Variants in SPATA16 observed in about 807,000 individuals in gnomAD.
SPATA16 encodes the protein spermatogenesis associated 16, also known as spermatogenesis-associated protein 16.
SPATA16 carries 36 observed loss-of-function variants against 63.3 expected under a neutral mutation model. The observed-to-expected ratio is 0.57, with a 90% CI of 0.44 to 0.75. The LOEUF is 0.75. SPATA16 is among the 30% of genes least tolerant of loss of function. SPATA16 has a pLI of 0.00. For synonymous variants in SPATA16, 203 were observed against 216.7 expected (o/e 0.94, Z 0.56); for missense variants, 646 against 679.3 (o/e 0.95, Z 0.54).
At chr3:172,978,812 T>A (rs1734227630) in intron 4 of SPATA16, among the ~76,000 whole-genome samples, 1 of 152,216 alleles carries the variant, frequency 6.6e-6, no homozygotes, top group Non-Finnish European at 1.5e-5. Flanking sequence ...AGACAATACA[T>A]AAACCAATTA....
chr3:172,982,001 C>T (rs1734331424), intron 4 of SPATA16, among the ~76,000 whole-genome samples: 3 of 152,180 alleles, frequency 2.0e-5, no homozygotes, highest in African/African-American at 7.2e-5. Context: ...AATATAAGGT[C>T]CCCAAGGGCA....
chr3:173,086,433 C>T (rs1737055092), intron 2 of SPATA16, among the ~76,000 whole-genome samples: 1 of 152,056 alleles, frequency 6.6e-6, no homozygotes, highest in Non-Finnish European at 1.5e-5. Context: ...CTCATTTCTT[C>T]TTAATTAATG....
At chr3:173,029,424 T>TTC (rs3085797) in intron 3 of SPATA16, among the ~76,000 whole-genome samples, 1 of 151,410 alleles carries the variant, frequency 6.6e-6, no homozygotes, top group Non-Finnish European at 1.5e-5. Context: ...TTTGTTTGTT[T>TTC]GTTTTGTTGT....
At chr3:173,028,018 C>T (rs1735500742) in intron 3 of SPATA16, among the ~76,000 whole-genome samples, 2 of 63,204 alleles carry the variant, frequency 3.2e-5, no homozygotes, top group Non-Finnish European at 5.5e-5. Flanking sequence ...TCCCTCCCTT[C>T]CTTCTTTCCT....
chr3:173,101,148 G>A (rs995117685), intron 2 of SPATA16, among the ~76,000 whole-genome samples: 5 of 152,060 alleles, frequency 3.3e-5, no homozygotes, highest in African/African-American at 4.8e-5. Flanking sequence ...CTTTGAAGAA[G>A]ACTTCCAGTG....
chr3:172,938,708 T>C (rs770364858), intron 6 of SPATA16, among the ~76,000 whole-genome samples: 3 of 152,042 alleles, frequency 2.0e-5, no homozygotes, highest in Non-Finnish European at 4.4e-5. Context: ...AGCAAAAATA[T>C]AGTAATAGCT....
chr3:173,126,940 A>G (rs530509207), intron 1 of SPATA16, among the ~76,000 whole-genome samples: 2 of 152,342 alleles, frequency 1.3e-5, no homozygotes, highest in African/African-American at 4.8e-5. Context: ...ATGGACAGTA[A>G]TATGAAGATT....
intron 4 of SPATA16, among the ~76,000 whole-genome samples, chr3:173,001,952 G>GATTCTTCC (rs1393069189): frequency 6.6e-6 from 1 of 152,080 alleles, no homozygotes; most frequent in Non-Finnish European, 1.5e-5. Flanking sequence ...TACTCATATT[G>GATTCTTCC]ATTCTTCCAT....
chr3:173,094,677 GTTT>G (rs57224552), intron 2 of SPATA16, among the ~76,000 whole-genome samples: 4 of 115,718 alleles, frequency 3.5e-5, no homozygotes, highest in Non-Finnish European at 3.6e-5. Context: ...TATGGGAGTT[GTTT>G]TTTTTTTTTT....
intron 2 of SPATA16, among the ~76,000 whole-genome samples, chr3:173,084,970 CT>C (rs1215640322): frequency 6.6e-6 from 1 of 152,088 alleles, no homozygotes; most frequent in Non-Finnish European, 1.5e-5. Flanking sequence ...CAACTTTGTT[CT>C]TTTTGCTTGG....
At chr3:173,020,170 G>A (rs2901853) in intron 3 of SPATA16, among the ~76,000 whole-genome samples, 6,684 of 151,940 alleles carry the variant, frequency 0.044, 510 homozygotes, top group African/African-American at 0.15. Context: ...GGTGGCAGGC[G>A]CCTGTAATCT....
intron 5 of SPATA16, among the ~76,000 whole-genome samples, chr3:172,967,665 A>C (rs1191967465): frequency 6.6e-6 from 1 of 152,218 alleles, no homozygotes; most frequent in Non-Finnish European, 1.5e-5. Context: ...CATTGCTGGC[A>C]TTACTGCCTG....
At chr3:172,968,136 G>A (rs1301122665) in intron 5 of SPATA16, among the ~76,000 whole-genome samples, 1 of 152,158 alleles carries the variant, frequency 6.6e-6, no homozygotes, top group East Asian at 1.9e-4. Flanking sequence ...CAGCTCTGTT[G>A]CCTGAATTTT....
intron 10 of SPATA16, among the ~76,000 whole-genome samples, chr3:172,897,997 G>T (rs2109543834): frequency 6.6e-6 from 1 of 151,914 alleles, no homozygotes; most frequent in Non-Finnish European, 1.5e-5. Flanking sequence ...TGCTTTTTCT[G>T]CATCAATTGA....
At chr3:173,134,167 T>C (rs1480386264) in intron 1 of SPATA16, among the ~76,000 whole-genome samples, 1 of 152,200 alleles carries the variant, frequency 6.6e-6, no homozygotes, top group East Asian at 1.9e-4. Context: ...TAGACCTACA[T>C]ATAAATGTTC....
At chr3:172,967,547 T>C (rs984632223) in intron 5 of SPATA16, among the ~76,000 whole-genome samples, 2 of 152,228 alleles carry the variant, frequency 1.3e-5, no homozygotes, top group African/African-American at 2.4e-5. Flanking sequence ...TGGCTATTCA[T>C]GGGTGTGGTT....
intron 2 of SPATA16, among the ~76,000 whole-genome samples, chr3:173,076,112 T>G (rs1478629164): frequency 2.0e-5 from 3 of 152,184 alleles, no homozygotes; most frequent in African/African-American, 7.2e-5. Flanking sequence ...GTTTAGCACA[T>G]CTTATCACAA....
intron 1 of SPATA16, among the ~76,000 whole-genome samples, chr3:173,118,073 T>C (rs1393362069): frequency 6.6e-6 from 1 of 152,192 alleles, no homozygotes; most frequent in East Asian, 1.9e-4. Flanking sequence ...ACATAGCCAC[T>C]GAGACAAGAA....
intron 2 of SPATA16, among the ~76,000 whole-genome samples, chr3:173,070,828 A>C (rs1234225492): frequency 6.6e-6 from 1 of 152,246 alleles, no homozygotes; most frequent in African/African-American, 2.4e-5. Flanking sequence ...AAAACACCGG[A>C]AAGATGTTCC....
Sources: allele counts gnomAD v4.1 joint callset (sites outside exome capture counted in the v4.1 genomes callset), GRCh38; gene constraint gnomAD v4.1.1; transcripts MANE v1.5; gene names NCBI Gene and HGNC (gene_info 2026-07-23, HGNC 2026-07-21).